The following AKAP13 variants were observed in gnomAD, a reference collection of about 807,000 sequenced individuals.
AKAP13 encodes the protein A-kinase anchoring protein 13.
AKAP13 carries 80 observed loss-of-function variants against 264.5 expected under a neutral mutation model. The observed-to-expected ratio is 0.30, with a 90% CI of 0.25 to 0.36. AKAP13 has a LOEUF of 0.36. AKAP13 is among the 10% of genes least tolerant of loss of function. The pLI is 1.00. For synonymous variants in AKAP13, 1,380 were observed against 1,250.2 expected (o/e 1.10, Z -2.19); for missense variants, 3,712 against 3,435.2 (o/e 1.08, Z -2.01).
chr15:85,592,522 G>T (rs1312536036), intron 8 of AKAP13, among the ~76,000 whole-genome samples: 2 of 152,170 alleles, frequency 1.3e-5, no homozygotes, highest in Non-Finnish European at 2.9e-5. Flanking sequence ...TTTGTGGTGT[G>T]TGTGTCACCT....
intron 1 of AKAP13, among the ~76,000 whole-genome samples, chr15:85,466,934 A>G (rs191437737): frequency 4.1e-5 from 6 of 146,940 alleles, no homozygotes; most frequent in South Asian, 2.2e-4. Context: ...TTTGTTCCCA[A>G]CCTTTTAAAA....
intron 1 of AKAP13, among the ~76,000 whole-genome samples, chr15:85,417,416 C>T (rs2072293485): frequency 1.3e-5 from 2 of 151,970 alleles, no homozygotes; most frequent in East Asian, 1.9e-4. Context: ...GAGCAATGGG[C>T]GTTTAAGTTA....
At chr15:85,618,224 A>G (rs916993486) in intron 8 of AKAP13, among the ~76,000 whole-genome samples, 10 of 152,336 alleles carry the variant, frequency 6.6e-5, no homozygotes, top group African/African-American at 1.9e-4. Flanking sequence ...CAACTTGAAT[A>G]TCTGGCCTGA....
At chr15:85,693,953 T>G (rs2085430209) in intron 17 of AKAP13, among the ~76,000 whole-genome samples, 1 of 152,232 alleles carries the variant, frequency 6.6e-6, no homozygotes, top group Non-Finnish European at 1.5e-5. Flanking sequence ...CATTTTTGAC[T>G]TAATAGTATT....
At chr15:85,685,930 T>C (rs1323746965) in intron 16 of AKAP13, among the ~76,000 whole-genome samples, 1 of 152,216 alleles carries the variant, frequency 6.6e-6, no homozygotes, top group Non-Finnish European at 1.5e-5. Context: ...TTCTAATCTT[T>C]TTTAAAAATG....
intron 5 of AKAP13, among the ~76,000 whole-genome samples, chr15:85,559,975 A>G (rs1392863143): frequency 6.6e-6 from 1 of 151,966 alleles, no homozygotes; most frequent in Non-Finnish European, 1.5e-5. Context: ...ATTATCTGGG[A>G]TTGTTTCTTA....
chr15:85,738,711 G>A (rs531009831), intron 33 of AKAP13, among the ~76,000 whole-genome samples: 22 of 151,640 alleles, frequency 1.5e-4, no homozygotes, highest in Non-Finnish European at 2.4e-4. Context: ...GGTGGCGGGC[G>A]CCTGTAGTCC....
In AKAP13 at chr15:85,384,918, G is replaced by C. The variant is rs149710837; in HGVS notation, c.-12+4120G>C. On this transcript the variant is annotated intron_variant, in intron 1 of 36. Transcript: ENST00000394518. ...GATGGACCTGGTACTGAAATACCGT[G>C]ATTGTATGAACATTTGTGTGGGGCA... 1.6e-3 allele frequency among the ~76,000 whole-genome samples: 240 copies of C among 152,278 alleles called. 1 individual carries two copies. Among genetic ancestry groups the C allele is most frequent in the African/African-American group, 5.6e-3 (231 of 41,554 alleles).
intron 4 of AKAP13, among the ~76,000 whole-genome samples, chr15:85,542,404 A>G (rs1567115147): frequency 6.6e-6 from 1 of 152,250 alleles, no homozygotes; most frequent in Non-Finnish European, 1.5e-5. Flanking sequence ...TAATACACAG[A>G]TGACATTTGG....
At chr15:85,521,814 T>G (rs1462686473) in intron 3 of AKAP13, among the ~76,000 whole-genome samples, 1 of 152,202 alleles carries the variant, frequency 6.6e-6, no homozygotes, top group Non-Finnish European at 1.5e-5. Context: ...ATTCTGTAAA[T>G]TATAACTTAT....
At chr15:85,693,893 G>A (rs920095425) in intron 17 of AKAP13, among the ~76,000 whole-genome samples, 20 of 152,190 alleles carry the variant, frequency 1.3e-4, no homozygotes, top group African/African-American at 4.3e-4. Context: ...GCATGTTTAA[G>A]ATAGGCCAGG....
In AKAP13 at chr15:85,581,877, T is replaced by C; in HGVS notation, c.3809T>C (p.Leu1270Pro). 1 of 1,614,154 alleles carries C rather than the reference T, an allele frequency of 6.2e-7. No homozygotes were observed. The highest frequency in any genetic ancestry group is 1.7e-4 in the Middle Eastern group (1 of 6,060). ...IEQVKAAGAL[L>P]TEGEACHMSL... ...CAAGTCAAGGCCGCTGGAGCACTGC[T>C]TACTGAGGGGGAGGCCTGTCACATG... Residue 1270 changes from leucine to proline, a missense_variant, in exon 7 of 37, where the codon CTT becomes CCT. Leu to Pro is a moderately conservative substitution (Grantham distance 98). Around this residue, in one of 3 missense-constraint regions of AKAP13, gnomAD observed 2,759 missense variants for 2,411.7 expected, o/e 1.14. Coordinates refer to ENST00000394518, the MANE Select transcript of AKAP13 (RefSeq NM_007200.5).
chr15:85,627,049 G>A (rs1179142032), intron 8 of AKAP13, among the ~76,000 whole-genome samples: 1 of 152,136 alleles, frequency 6.6e-6, no homozygotes. Context: ...GCAAGTATGA[G>A]CTTTCCAAAC....
chr15:85,721,928 T>A, intron 23 of AKAP13, 63 bp from the exon 24 acceptor site: 1 of 1,594,262 alleles, frequency 6.3e-7, no homozygotes, highest in Non-Finnish European at 8.5e-7. Context: ...TGGAAACATT[T>A]TACAAAATGG....
At chr15:85,605,893 CAG>C (rs749567610) in intron 8 of AKAP13, among the ~76,000 whole-genome samples, 8 of 152,014 alleles carry the variant, frequency 5.3e-5, no homozygotes, top group Admixed American at 1.3e-4. Flanking sequence ...TAAGGGTAGA[CAG>C]AATATCCTCC....
intron 16 of AKAP13, among the ~76,000 whole-genome samples, chr15:85,686,190 C>CGT (rs372002113): frequency 2.5e-3 from 158 of 63,618 alleles, no homozygotes; most frequent in South Asian, 0.014. Context: ...CACGTGCATG[C>CGT]ATGTGTGTGT....
chr15:85,544,318 T>G, intron 5 of AKAP13, among the ~76,000 whole-genome samples: 1 of 152,234 alleles, frequency 6.6e-6, no homozygotes, highest in Non-Finnish European at 1.5e-5. Context: ...ACAGATTTCC[T>G]ATATCATATA....
chr15:85,441,941 C>T (rs2073669765), intron 1 of AKAP13, among the ~76,000 whole-genome samples: 1 of 152,042 alleles, frequency 6.6e-6, no homozygotes, highest in Non-Finnish European at 1.5e-5. Context: ...TTATTCTGCC[C>T]TTTAAGAAGA....
chr15:85,505,743 G>A (rs1398714270), intron 2 of AKAP13, among the ~76,000 whole-genome samples: 5 of 152,018 alleles, frequency 3.3e-5, no homozygotes, highest in South Asian at 4.1e-4. Flanking sequence ...TCAAGAATGC[G>A]TTTTATTTTG....
Sources: gnomAD v4.1 joint callset for allele counts (sites outside exome capture counted in the v4.1 genomes callset) on GRCh38, gnomAD v4.1.1 for gene constraint, gnomAD v4.1.1 regional missense constraint, MANE v1.5 for transcripts, NCBI Gene and HGNC (gene_info 2026-07-23, HGNC 2026-07-21) for gene names.